Variants in HIP1 observed in about 807,000 individuals in gnomAD.
HIP1 encodes the protein huntingtin-interacting protein 1.
Under a neutral mutation model 147.6 loss-of-function variants are expected in HIP1, and 65 were observed. The observed-to-expected ratio is 0.44, with a 90% CI of 0.36 to 0.54. The LOEUF (loss-of-function observed/expected upper bound fraction) is 0.54. Among genes scored for constraint, HIP1 ranks in the 20% least tolerant of loss-of-function variants. The pLI is 0.00. For synonymous variants in HIP1, 479 were observed against 504.0 expected (o/e 0.95, Z 0.67); for missense variants, 1,061 against 1,299.6 (o/e 0.82, Z 2.82).
At chr7:75,600,663 T>C (rs1335412934) in intron 1 of HIP1, among the ~76,000 whole-genome samples, 2 of 152,194 alleles carry the variant, frequency 1.3e-5, no homozygotes, top group East Asian at 3.8e-4. Flanking sequence ...AAAAATTAGA[T>C]TGTCATATAT....
chr7:75,656,717 T>G (rs1331731123), intron 1 of HIP1, among the ~76,000 whole-genome samples: 2 of 152,166 alleles, frequency 1.3e-5, no homozygotes, highest in African/African-American at 4.8e-5. Flanking sequence ...CCTCAGGTGA[T>G]CCGCCTGCCT....
chr7:75,563,372 G>A, intron 9 of HIP1, 109 bp from the exon 10 acceptor site: 2 of 854,358 alleles, frequency 2.3e-6, no homozygotes, highest in Non-Finnish European at 3.9e-6. Flanking sequence ...AAAGGCACAG[G>A]CTGTCAAGGA....
intron 1 of HIP1, among the ~76,000 whole-genome samples, chr7:75,668,666 C>A (rs557024313): frequency 1.4e-4 from 22 of 152,236 alleles, no homozygotes; most frequent in African/African-American, 4.8e-4. Flanking sequence ...CTTGGGCCAA[C>A]CTCCTGGCCA....
intron 1 of HIP1, among the ~76,000 whole-genome samples, chr7:75,601,497 G>A (rs782023269): frequency 2.0e-5 from 3 of 152,016 alleles, no homozygotes; most frequent in Non-Finnish European, 4.4e-5. Flanking sequence ...TCGGGAGGCT[G>A]AGGCAGGAGA....
At chr7:75,645,927 T>C (rs1441627759) in intron 1 of HIP1, among the ~76,000 whole-genome samples, 1 of 152,100 alleles carries the variant, frequency 6.6e-6, no homozygotes, top group African/African-American at 2.4e-5. Context: ...CAACAGACAC[T>C]GGGGACTCCA....
chr7:75,582,106 C>G lies in HIP1; in HGVS notation c.511G>C (p.Asp171His). 2.5e-6 allele frequency: 4 copies of G among 1,614,058 alleles called. No individual in the cohort carries two copies. Among genetic ancestry groups the G allele is most frequent in the Non-Finnish European group, 3.4e-6 (4 of 1,179,966 alleles). The stretch of plus-strand genomic sequence containing the variant: ...TTCACGTCACTTTCTCCAGCCTCGT[C>G]CAGCTGGCGGTCACTCATCTGCAGG... ...GNLQMSDRQL[D>H]EAGESDVNNF... Residue 171 changes from aspartate to histidine, a missense_variant, in exon 6 of 31, where the codon GAC becomes CAC. This residue lies in a region of HIP1 where 225 missense variants were observed against 292.9 expected (regional missense o/e 0.77). Transcript: ENST00000336926.
chr7:75,593,561 T>C (rs1384961397), intron 2 of HIP1, among the ~76,000 whole-genome samples: 6 of 130,182 alleles, frequency 4.6e-5, no homozygotes, highest in Admixed American at 1.9e-4. Flanking sequence ...ATCCGGGAGG[T>C]GGAGGTTGCA....
chr7:75,632,559 T>C (rs10247360), intron 1 of HIP1, among the ~76,000 whole-genome samples: 1 of 119,186 alleles, frequency 8.4e-6, no homozygotes, highest in African/African-American at 3.8e-5. Flanking sequence ...GGCTAATTTT[T>C]TCTTTTTTTT....
At chr7:75,588,196 G>A (rs1207056313) in intron 4 of HIP1, among the ~76,000 whole-genome samples, 7 of 152,128 alleles carry the variant, frequency 4.6e-5, no homozygotes, top group Admixed American at 1.3e-4. Context: ...GATCTCAATC[G>A]AAGCAAATGC....
intron 25 of HIP1, among the ~76,000 whole-genome samples, chr7:75,546,095 A>C (rs1794552383): frequency 6.6e-6 from 1 of 152,168 alleles, no homozygotes; most frequent in African/African-American, 2.4e-5. Flanking sequence ...ACATTTCTGT[A>C]TTGTATATAT....
chr7:75,553,562 C>T lies in HIP1; in HGVS notation c.2186G>A (p.Gly729Asp), dbSNP rs1554492551. The T allele has an allele frequency of 6.2e-6, 10 of 1,614,064 alleles. No homozygotes were observed. Among genetic ancestry groups the T allele is most frequent in the Non-Finnish European group, 7.6e-6 (9 of 1,179,980 alleles). The stretch of plus-strand genomic sequence containing the variant: ...GGCCAGGTAGGCGAGGGTTTCCCTG[C>T]CATACTGCTTACAGGCCTCGGTCAG... ...DSLTEACKQY[G>D]RETLAYLASL... Residue 729 changes from glycine (G) to aspartate (D), a missense_variant, in exon 22 of 31, where the codon GGC becomes GAC. Coordinates refer to ENST00000336926, the MANE Select transcript of HIP1 (RefSeq NM_005338.7).
chr7:75,613,505 C>G (rs1168198607), intron 1 of HIP1, among the ~76,000 whole-genome samples: 1 of 152,166 alleles, frequency 6.6e-6, no homozygotes, highest in Non-Finnish European at 1.5e-5. Flanking sequence ...GGGCCTCTTC[C>G]TCCTCCCAGG....
At chr7:75,633,431 T>C (rs1230265023) in intron 1 of HIP1, among the ~76,000 whole-genome samples, 10 of 152,150 alleles carry the variant, frequency 6.6e-5, no homozygotes, top group Non-Finnish European at 1.2e-4. Flanking sequence ...CAGCTGGGAT[T>C]ACAGGCGTGT....
At chr7:75,694,808 C>G (rs1554518606) in intron 1 of HIP1, among the ~76,000 whole-genome samples, 1 of 151,984 alleles carries the variant, frequency 6.6e-6, no homozygotes, top group East Asian at 1.9e-4. Context: ...CCATGCCCGG[C>G]CTGGATTGCT....
chr7:75,610,203 C>CTTT (rs35158879), intron 1 of HIP1, among the ~76,000 whole-genome samples: 43 of 133,030 alleles, frequency 3.2e-4, no homozygotes, highest in African/African-American at 1.2e-3. Context: ...TCATCCAGCC[C>CTTT]TTTTTTTTTT....
intron 1 of HIP1, among the ~76,000 whole-genome samples, chr7:75,643,984 A>G (rs1798727078): frequency 6.6e-6 from 1 of 152,038 alleles, no homozygotes; most frequent in Non-Finnish European, 1.5e-5. Context: ...TGGGTAACAA[A>G]GTAAGACTCT....
At chr7:75,593,964 ATAGTCGTCAGT>A (rs782098076) in intron 2 of HIP1, among the ~76,000 whole-genome samples, 3 of 151,454 alleles carry the variant, frequency 2.0e-5, no homozygotes, top group Non-Finnish European at 4.4e-5. Flanking sequence ...CTCCCTGCAG[ATAGTCGTCAGT>A]TTGCATGTAA....
intron 1 of HIP1, among the ~76,000 whole-genome samples, chr7:75,694,337 T>A (rs1800560497): frequency 1.3e-5 from 2 of 152,140 alleles, no homozygotes; most frequent in Non-Finnish European, 2.9e-5. Flanking sequence ...CCTCTGTCAT[T>A]TATTATGCTG....
rs587657187 is a variant in HIP1 at position 75,571,269 on chromosome 7, A to G, written c.745+2492T>C. 7.4e-4 allele frequency among the ~76,000 whole-genome samples: 113 copies of G among 152,270 alleles called. 1 individual carries two copies. The highest frequency in any genetic ancestry group is 2.5e-3 in the African/African-American group (104 of 41,556). ...AAAAGGCAGTGGTGATGTTCTACTG[A>G]GCAACAGAATACTTGGAAACAATGA... is the stretch of plus-strand genomic sequence containing the variant. On this transcript the variant is annotated intron_variant, in intron 8 of 30. Coordinates refer to ENST00000336926, the MANE Select transcript of HIP1 (RefSeq NM_005338.7).
Sources: allele counts gnomAD v4.1 joint callset (sites outside exome capture counted in the v4.1 genomes callset), GRCh38; gene constraint gnomAD v4.1.1; regional missense constraint gnomAD v4.1.1; transcripts MANE v1.5; gene names NCBI Gene and HGNC (gene_info 2026-07-23, HGNC 2026-07-21).